SV2C: variants seen among roughly 807,000 people sequenced by gnomAD.
SV2C encodes solute carrier family 22 member B3.
SV2C carries 49 observed loss-of-function variants against 79.7 expected under a neutral mutation model. The ratio of observed to expected loss-of-function variants is 0.61; its 90% CI spans 0.49 to 0.78. The LOEUF is 0.78. Ranked by LOEUF, SV2C falls within the 30% of genes least tolerant of loss-of-function variation. The pLI, the probability that SV2C is intolerant of heterozygous loss-of-function variation, is 0.00. For synonymous variants in SV2C, 334 were observed against 333.2 expected (o/e 1.00, Z -0.03); for missense variants, 833 against 912.9 (o/e 0.91, Z 1.13).
the SV2C span, among the ~76,000 whole-genome samples, chr5:75,941,027 T>A: frequency 6.6e-6 from 1 of 152,208 alleles, no homozygotes; most frequent in South Asian, 2.1e-4. Flanking sequence ...TTAAAGTTTA[T>A]AAGCTAAAGA....
At chr5:75,877,564 C>T in the SV2C span, among the ~76,000 whole-genome samples, 4 of 149,690 alleles carry the variant, frequency 2.7e-5, no homozygotes, top group Non-Finnish European at 4.4e-5. Flanking sequence ...AGTATATTAT[C>T]TGATCACAGT....
At chr5:75,981,405 G>A in the SV2C span, among the ~76,000 whole-genome samples, 1 of 152,140 alleles carries the variant, frequency 6.6e-6, no homozygotes, top group Non-Finnish European at 1.5e-5. Flanking sequence ...AGCCTGAGTA[G>A]CCAAGGCAAT....
intron 3 of SV2C, among the ~76,000 whole-genome samples, chr5:76,196,960 T>C (rs1399374064): frequency 2.0e-5 from 3 of 152,342 alleles, no homozygotes; most frequent in Middle Eastern, 3.4e-3. Context: ...ACAACTTAGA[T>C]GTATTCTTGA....
chr5:76,298,971 A>G, intron 10 of SV2C, 44 bp downstream of exon 10: 2 of 1,602,562 alleles, frequency 1.2e-6, no homozygotes, highest in Non-Finnish European at 1.7e-6. Context: ...GGCCTCTCCA[A>G]AGGGCCCACT....
At chr5:76,124,254 T>C (rs1369546316) in intron 1 of SV2C, among the ~76,000 whole-genome samples, 7 of 152,150 alleles carry the variant, frequency 4.6e-5, no homozygotes, top group Non-Finnish European at 8.8e-5. Flanking sequence ...ATCCATCAGA[T>C]GAAAACTCCC....
At chr5:75,936,230 A>G in the SV2C span, among the ~76,000 whole-genome samples, 1 of 152,118 alleles carries the variant, frequency 6.6e-6, no homozygotes, top group South Asian at 2.1e-4. Context: ...GTTCTTTGAC[A>G]TCTATTTCTC....
chr5:76,139,324 G>A (rs551502608), intron 2 of SV2C, among the ~76,000 whole-genome samples: 49 of 152,208 alleles, frequency 3.2e-4, no homozygotes, highest in Non-Finnish European at 5.3e-4. Flanking sequence ...CTTGGCCTGG[G>A]ATTTGTGAAG....
intron 2 of SV2C, among the ~76,000 whole-genome samples, chr5:76,148,708 C>T (rs1244986326): frequency 1.3e-5 from 2 of 152,196 alleles, no homozygotes; most frequent in Admixed American, 6.5e-5. Context: ...CCTACCTTGG[C>T]TTCTCAAGTG....
At chr5:76,162,028 G>A (rs1020257023) in intron 2 of SV2C, among the ~76,000 whole-genome samples, 6 of 151,876 alleles carry the variant, frequency 4.0e-5, no homozygotes, top group African/African-American at 1.5e-4. Flanking sequence ...ATTATACTTG[G>A]GCTATTTATA....
intron 4 of SV2C, among the ~76,000 whole-genome samples, chr5:76,278,956 G>T (rs1026555188): frequency 1.3e-5 from 2 of 152,290 alleles, no homozygotes; most frequent in South Asian, 2.1e-4. Flanking sequence ...GGTCCACGTC[G>T]GCCAGAACCT....
chr5:76,285,179 G>C lies in SV2C; in HGVS notation c.931G>C (p.Gly311Arg), dbSNP rs756391317. 2 of 1,614,142 alleles carry C rather than the reference G, an allele frequency of 1.2e-6. No individual in the cohort carries two copies. Among genetic ancestry groups the C allele is most frequent in the Non-Finnish European group, 1.7e-6 (2 of 1,180,016 alleles). ...TTTTCCAGGGTGGAGCTTCAGCATGGGATCGGCCTACCAGTTTCACAGTTG... is the reference window on the plus strand; with the variant it reads ...TTTTCCAGGGTGGAGCTTCAGCATGCGATCGGCCTACCAGTTTCACAGTTG... ...IPHYGWSFSM[G>R]SAYQFHSWRV... The change falls in exon 5 of 13, where the codon GGA becomes CGA. Residue 311 changes from glycine (G) to arginine (R), a missense_variant. Transcript: ENST00000502798.
the SV2C span, among the ~76,000 whole-genome samples, chr5:75,926,130 T>C: frequency 6.6e-6 from 1 of 152,158 alleles, no homozygotes; most frequent in Non-Finnish European, 1.5e-5. Context: ...GGAAAAGAAT[T>C]AGAAGCCGGG....
the SV2C span, among the ~76,000 whole-genome samples, chr5:75,852,494 G>A: frequency 6.6e-6 from 1 of 151,952 alleles, no homozygotes; most frequent in African/African-American, 2.4e-5. Flanking sequence ...AAAAGATAAT[G>A]GAATGACATA....
chr5:76,115,960 C>T (rs1041290047), intron 1 of SV2C, among the ~76,000 whole-genome samples: 2 of 152,196 alleles, frequency 1.3e-5, no homozygotes, highest in Non-Finnish European at 2.9e-5. Flanking sequence ...AGCTCTGAGC[C>T]TCTGGGGAGC....
At chr5:75,950,992 G>A in the SV2C span, among the ~76,000 whole-genome samples, 7 of 151,858 alleles carry the variant, frequency 4.6e-5, no homozygotes, top group South Asian at 4.1e-4. Context: ...ACTAGATTCC[G>A]CTATGCTGAC....
chr5:76,296,073 G>C, intron 9 of SV2C, 131 bp downstream of exon 9: 1 of 842,676 alleles, frequency 1.2e-6, no homozygotes, highest in Non-Finnish European at 1.7e-6. Context: ...TCATTTTCAT[G>C]ATGAATTTCA....
At chr5:76,141,650 C>T (rs1200676935) in intron 2 of SV2C, among the ~76,000 whole-genome samples, 1 of 151,360 alleles carries the variant, frequency 6.6e-6, no homozygotes, top group Admixed American at 6.6e-5. Flanking sequence ...ATGGTGAAAC[C>T]CCATCTCTAC....
At chr5:75,856,016 C>T in the SV2C span, among the ~76,000 whole-genome samples, 4 of 152,264 alleles carry the variant, frequency 2.6e-5, no homozygotes, top group South Asian at 2.1e-4. Flanking sequence ...TAATTTTTAG[C>T]TCCCACAAAT....
chr5:75,942,973 G>A, the SV2C span, among the ~76,000 whole-genome samples: 2 of 152,126 alleles, frequency 1.3e-5, no homozygotes, highest in African/African-American at 4.8e-5. Context: ...AGACCAGCCT[G>A]AGCAACATAG....
Sources: gnomAD v4.1 joint callset for allele counts (sites outside exome capture counted in the v4.1 genomes callset) on GRCh38, gnomAD v4.1.1 for gene constraint, MANE v1.5 for transcripts, NCBI Gene and HGNC (gene_info 2026-07-23, HGNC 2026-07-21) for gene names.